Variants in ANXA8 observed in about 807,000 individuals in gnomAD.
ANXA8 encodes VAC-beta.
In ANXA8, 9 loss-of-function variants were observed where a neutral mutation model predicts 26.8. That is an observed-to-expected ratio of 0.34 (90% confidence interval 0.20 to 0.59). ANXA8 has a LOEUF of 0.59. Among genes scored for constraint, ANXA8 ranks in the 20% least tolerant of loss-of-function variants. The probability of loss-of-function intolerance (pLI) is 0.84; values close to 1 mark genes in which losing one functional copy is unlikely to be tolerated. For missense variants in ANXA8, 83 were observed against 238.5 expected, an observed-to-expected ratio of 0.35 and a Z score of 4.29; for synonymous variants, 39 against 94.8, an observed-to-expected ratio of 0.41 and a Z score of 3.42.
chr10:47,673,765 T>A, the ANXA8 span, among the ~76,000 whole-genome samples: 2 of 151,674 alleles, frequency 1.3e-5, no homozygotes, highest in South Asian at 4.1e-4. Flanking sequence ...GCCTCTAGTT[T>A]TTCCTATTTT....
At chr10:47,585,793 A>AT in the ANXA8 span, among the ~76,000 whole-genome samples, 9 of 88,700 alleles carry the variant, frequency 1.0e-4, no homozygotes, top group African/African-American at 4.7e-4. Flanking sequence ...TAAAAAAAAA[A>AT]AAAAGAATGT....
the ANXA8 span, among the ~76,000 whole-genome samples, chr10:47,619,032 T>C: frequency 8.8e-6 from 1 of 113,756 alleles, no homozygotes. Flanking sequence ...CAATTAATCA[T>C]TGAACAATAC....
chr10:47,971,325 G>A, the ANXA8 span, among the ~76,000 whole-genome samples: 1 of 151,210 alleles, frequency 6.6e-6, no homozygotes, highest in Non-Finnish European at 1.5e-5. Flanking sequence ...GGGGAGAGAG[G>A]AGATAAAGTG....
At chr10:47,669,856 T>C in the ANXA8 span, among the ~76,000 whole-genome samples, 3 of 152,142 alleles carry the variant, frequency 2.0e-5, no homozygotes, top group African/African-American at 4.8e-5. Flanking sequence ...AGCATCTTTT[T>C]TGTTGTGGTA....
At chr10:47,941,718 T>C in the ANXA8 span, among the ~76,000 whole-genome samples, 2 of 147,444 alleles carry the variant, frequency 1.4e-5, 1 homozygote, top group African/African-American at 5.2e-5. Context: ...CACTTCACAA[T>C]GAGAGGGAAG....
the ANXA8 span, chr10:47,599,851 G>A: frequency 6.7e-6 from 1 of 150,028 alleles, no homozygotes; most frequent in Admixed American, 6.6e-5. Flanking sequence ...CGCACTGTTG[G>A]GTGCAAAGGG....
chr10:47,565,123 C>T, the ANXA8 span: 1 of 752,144 alleles, frequency 1.3e-6, no homozygotes, highest in Non-Finnish European at 2.4e-6. Context: ...CCAACTTCAA[C>T]TTCCTGGGCC....
the ANXA8 span, among the ~76,000 whole-genome samples, chr10:47,603,575 G>A: frequency 2.3e-3 from 336 of 146,810 alleles, 8 homozygotes; most frequent in African/African-American, 8.5e-3. Context: ...ACAGTGGCAC[G>A]GTCTCAGCTC....
At chr10:47,588,678 A>C in the ANXA8 span, 2 of 146,938 alleles carry the variant, frequency 1.4e-5, 1 homozygote, top group African/African-American at 5.4e-5. Context: ...AGACATGTAA[A>C]CATTTGCTTA....
chr10:47,589,693 T>C, the ANXA8 span, among the ~76,000 whole-genome samples: 1 of 145,120 alleles, frequency 6.9e-6, no homozygotes, highest in Non-Finnish European at 1.5e-5. Context: ...TCTCTACACC[T>C]CATTGTTTAC....
the ANXA8 span, among the ~76,000 whole-genome samples, chr10:47,684,856 G>A: frequency 1.3e-5 from 2 of 150,068 alleles, no homozygotes; most frequent in Admixed American, 1.3e-4. Flanking sequence ...AAAGTGCTGG[G>A]ATTATAAGCA....
At chr10:47,649,142 A>G in the ANXA8 span, among the ~76,000 whole-genome samples, 5 of 140,852 alleles carry the variant, frequency 3.5e-5, no homozygotes. Context: ...TGATTCCTCA[A>G]AATTTATTTA....
At chr10:47,505,576 T>A in the ANXA8 span, among the ~76,000 whole-genome samples, 1 of 123,280 alleles carries the variant, frequency 8.1e-6, no homozygotes, top group African/African-American at 3.0e-5. Flanking sequence ...TATTTAAAAG[T>A]ACAACTGGGC....
chr10:47,694,592 T>C, the ANXA8 span, among the ~76,000 whole-genome samples: 1 of 151,612 alleles, frequency 6.6e-6, no homozygotes, highest in Non-Finnish European at 1.5e-5. Flanking sequence ...GACTAATTTT[T>C]GTATTTTTAG....
the ANXA8 span, among the ~76,000 whole-genome samples, chr10:47,621,518 T>C: frequency 1.8e-5 from 2 of 112,336 alleles, 1 homozygote; most frequent in Non-Finnish European, 3.9e-5. Flanking sequence ...ACCTCTTTCA[T>C]AAAATGCTAA....
chr10:47,741,838 GA>G, the ANXA8 span, among the ~76,000 whole-genome samples: 3 of 86,444 alleles, frequency 3.5e-5, no homozygotes, highest in Admixed American at 2.0e-4. Context: ...AATAAACAGG[GA>G]TTTTTTTTTT....
chr10:47,744,444 G>C, the ANXA8 span, among the ~76,000 whole-genome samples: 5 of 102,534 alleles, frequency 4.9e-5, no homozygotes, highest in Admixed American at 2.0e-4. Flanking sequence ...GGGGAAGAGG[G>C]GGGGCCTTGC....
the ANXA8 span, among the ~76,000 whole-genome samples, chr10:47,733,912 T>G: frequency 6.6e-6 from 1 of 152,312 alleles, no homozygotes; most frequent in African/African-American, 2.4e-5. Context: ...TCGTGATTTT[T>G]TTCAAAACCA....
At chr10:47,533,225 C>CACACACACACACACACACATACACACA in the ANXA8 span, among the ~76,000 whole-genome samples, 1 of 98,552 alleles carries the variant, frequency 1.0e-5, no homozygotes, top group African/African-American at 3.8e-5. Context: ...ACACACACAC[C>CACACACACACACACACACATACACACA]CCCGCAGACA....
Sources: gnomAD v4.1 joint callset for allele counts (sites outside exome capture counted in the v4.1 genomes callset) on GRCh38, gnomAD v4.1.1 for gene constraint, MANE v1.5 for transcripts, NCBI Gene and HGNC (gene_info 2026-07-23, HGNC 2026-07-21) for gene names.